The following ZDHHC14 variants were observed in gnomAD, a reference collection of about 807,000 sequenced individuals.
ZDHHC14 encodes palmitoyltransferase ZDHHC14.
In ZDHHC14, 16 loss-of-function variants were observed where a neutral mutation model predicts 47.7. That is an observed-to-expected ratio of 0.34 (90% CI 0.23 to 0.51). The LOEUF (loss-of-function observed/expected upper bound fraction) is 0.51, where lower values mean the gene tolerates loss of function less well. Ranked by LOEUF, ZDHHC14 falls within the 20% of genes least tolerant of loss-of-function variation. ZDHHC14 has a pLI of 0.97. For synonymous variants in ZDHHC14, 293 were observed against 278.9 expected (o/e 1.05, Z -0.50); for missense variants, 515 against 662.5 (o/e 0.78, Z 2.44).
chr6:157,472,349 T>A (rs1206790752), intron 1 of ZDHHC14, among the ~76,000 whole-genome samples: 2 of 152,086 alleles, frequency 1.3e-5, no homozygotes, highest in African/African-American at 4.8e-5. Context: ...TAGACATTTA[T>A]CTCCATGTGG....
At chr6:157,536,855 G>T (rs2114793824) in intron 1 of ZDHHC14, among the ~76,000 whole-genome samples, 1 of 38,018 alleles carries the variant, frequency 2.6e-5, no homozygotes, top group Non-Finnish European at 4.9e-5. Context: ...GTCTCGCTCT[G>T]TCGCCCAGGC....
chr6:157,645,114 C>A (rs9364577), intron 5 of ZDHHC14, among the ~76,000 whole-genome samples: 10,603 of 152,056 alleles, frequency 0.07, 652 homozygotes, highest in East Asian at 0.33. Flanking sequence ...GTAAAAATAC[C>A]CCTCACCCTG....
chr6:157,559,257 G>A (rs1315860928), intron 2 of ZDHHC14, among the ~76,000 whole-genome samples: 3 of 152,248 alleles, frequency 2.0e-5, no homozygotes, highest in Non-Finnish European at 4.4e-5. Context: ...GGCTTTAGCC[G>A]GGAACCTGCT....
chr6:157,409,434 G>A (rs552546082), intron 1 of ZDHHC14, among the ~76,000 whole-genome samples: 27 of 152,284 alleles, frequency 1.8e-4, no homozygotes, highest in Non-Finnish European at 3.7e-4. Flanking sequence ...CCTTCCCTCT[G>A]GCTCAACAGT....
At chr6:157,589,162 A>G (rs1435271066) in intron 2 of ZDHHC14, among the ~76,000 whole-genome samples, 1 of 152,138 alleles carries the variant, frequency 6.6e-6, no homozygotes, top group Non-Finnish European at 1.5e-5. Context: ...GAAGGTCTTA[A>G]ATGGCCAGAG....
chr6:157,511,937 G>T (rs952612553), intron 1 of ZDHHC14, among the ~76,000 whole-genome samples: 2 of 152,098 alleles, frequency 1.3e-5, no homozygotes, highest in Non-Finnish European at 2.9e-5. Context: ...GGGAGAGAAG[G>T]TGTTGGCTGT....
intron 1 of ZDHHC14, among the ~76,000 whole-genome samples, chr6:157,477,574 C>T (rs1480166596): frequency 3.9e-5 from 6 of 152,120 alleles, no homozygotes; most frequent in Non-Finnish European, 8.8e-5. Flanking sequence ...CCTATATTGG[C>T]AAAATTTATT....
At chr6:157,564,736 C>A (rs1782836610) in intron 2 of ZDHHC14, among the ~76,000 whole-genome samples, 1 of 152,138 alleles carries the variant, frequency 6.6e-6, no homozygotes, top group African/African-American at 2.4e-5. Flanking sequence ...CCACTGAGCA[C>A]CAGCAAAGGA....
At chr6:157,389,421 G>A (rs949211193) in intron 1 of ZDHHC14, among the ~76,000 whole-genome samples, 6 of 152,148 alleles carry the variant, frequency 3.9e-5, no homozygotes, top group African/African-American at 1.2e-4. Flanking sequence ...TATAAATACA[G>A]TAATGGCATC....
chr6:157,512,849 G>C (rs1780543050), intron 1 of ZDHHC14, among the ~76,000 whole-genome samples: 1 of 152,172 alleles, frequency 6.6e-6, no homozygotes, highest in South Asian at 2.1e-4. Flanking sequence ...GTCATTATTT[G>C]AGAAATTATT....
intron 1 of ZDHHC14, among the ~76,000 whole-genome samples, chr6:157,402,840 C>T (rs890626836): frequency 2.0e-5 from 3 of 152,160 alleles, no homozygotes; most frequent in Non-Finnish European, 4.4e-5. Context: ...AATTCTCCTG[C>T]CTCAGCCTCC....
At chr6:157,636,114 GC>G (rs921760517) in intron 5 of ZDHHC14, among the ~76,000 whole-genome samples, 5 of 152,012 alleles carry the variant, frequency 3.3e-5, no homozygotes, top group Non-Finnish European at 5.9e-5. Flanking sequence ...CGCACCTCCA[GC>G]CAAGGCCTTC....
intron 3 of ZDHHC14, among the ~76,000 whole-genome samples, chr6:157,621,783 C>A (rs571042349): frequency 3.3e-5 from 5 of 152,326 alleles, no homozygotes; most frequent in Admixed American, 2.0e-4. Context: ...ACTTTCCCCT[C>A]AATATTTCAG....
intron 1 of ZDHHC14, among the ~76,000 whole-genome samples, chr6:157,508,195 T>C (rs1025701926): frequency 1.3e-5 from 2 of 152,218 alleles, no homozygotes; most frequent in African/African-American, 2.4e-5. Flanking sequence ...TGATCAATCA[T>C]TGTGTTGGGC....
chr6:157,442,168 G>C (rs192140623), intron 1 of ZDHHC14, among the ~76,000 whole-genome samples: 105 of 152,278 alleles, frequency 6.9e-4, no homozygotes, highest in Non-Finnish European at 1.1e-3. Context: ...GAGTGGGGAG[G>C]ATCCCTGGAA....
At chr6:157,434,325 C>CT (rs973826306) in intron 1 of ZDHHC14, among the ~76,000 whole-genome samples, 20 of 151,766 alleles carry the variant, frequency 1.3e-4, no homozygotes, top group Admixed American at 1.0e-3. Flanking sequence ...TAAGGCTTGC[C>CT]TGATTTCCCC....
At chr6:157,635,376 A>G (rs1242205239) in intron 5 of ZDHHC14, among the ~76,000 whole-genome samples, 1 of 152,240 alleles carries the variant, frequency 6.6e-6, no homozygotes, top group Non-Finnish European at 1.5e-5. Flanking sequence ...GGCTGTTATT[A>G]GAGACCAAGT....
At chr6:157,479,442 T>A (rs180717889) in intron 1 of ZDHHC14, among the ~76,000 whole-genome samples, 61 of 152,290 alleles carry the variant, frequency 4.0e-4, no homozygotes, top group Non-Finnish European at 7.6e-4. Flanking sequence ...GAGTGGAAGG[T>A]CCTTCTTCTC....
At chr6:157,530,265 T>C (rs1477338888) in intron 1 of ZDHHC14, among the ~76,000 whole-genome samples, 1 of 152,216 alleles carries the variant, frequency 6.6e-6, no homozygotes, top group Non-Finnish European at 1.5e-5. Flanking sequence ...GACCTTGTCT[T>C]CTAATTGAGC....
Sources: allele counts gnomAD v4.1 joint callset (sites outside exome capture counted in the v4.1 genomes callset), GRCh38; gene constraint gnomAD v4.1.1; transcripts MANE v1.5; gene names NCBI Gene and HGNC (gene_info 2026-07-23, HGNC 2026-07-21).